Variants in KCNV1 observed in about 807,000 individuals in gnomAD.
KCNV1 encodes potassium voltage-gated channel subfamily V member 1.
Under a neutral mutation model 36.4 loss-of-function variants are expected in KCNV1, and 2 were observed. The observed-to-expected ratio is 0.05, with a 90% CI of 0.02 to 0.17. KCNV1 has a LOEUF of 0.17. KCNV1 is among the 10% of genes least tolerant of loss of function. KCNV1 has a pLI of 1.00. For missense variants in KCNV1, 321 were observed against 643.6 expected (o/e 0.50, Z 5.42); for synonymous variants, 280 against 261.1 (o/e 1.07, Z -0.70).
In KCNV1 at chr8:109,972,729, G is replaced by T. The variant is rs563450472; in HGVS notation, c.520C>A (p.Gln174Lys). The change falls in exon 3 of 4, where the codon CAG becomes AAG. Residue 174 changes from glutamine (Q) to lysine (K), a missense_variant. Physicochemically the swap from Gln to Lys is moderately conservative, Grantham distance 53. Transcript: ENST00000524391. This position sits in a 1 kb window ranked among gnomAD's most constrained non-coding sequence, Gnocchi z 5.2. ...TGTTCACTCTCATGTTGACTTTCCT[G>T]GTCTTCTGTGTCCTTCTTGAAGTCT... ...TLDFKKDTEDQESQHESEQDF... is the reference protein window; with the variant it reads ...TLDFKKDTEDKESQHESEQDF... The T allele has an allele frequency of 3.8e-5, 61 of 1,613,924 alleles. 1 individual carries two copies. In the South Asian group the frequency reaches 6.3e-4, roughly 17 times the overall value.
In KCNV1 at chr8:109,974,512, G is replaced by T. The variant is rs1441507579; in HGVS notation, c.-124C>A. The T allele has an allele frequency of 2.9e-6, 2 of 690,442 alleles. No individual in the cohort carries two copies. The highest frequency in any genetic ancestry group is 4.8e-6 in the Non-Finnish European group (2 of 420,892). 42.8% of individuals were successfully genotyped at this position (690,442 alleles called of 1,614,324 possible). A position where few individuals can be genotyped will look rare whatever the true frequency, so the allele number is the denominator to read the frequency against. ...CGGGATTCCCCGGGCTCCCGAAGGGGTTACCTCTCCTTGGCGCACCCTCTC... is the reference window on the plus strand; with the variant it reads ...CGGGATTCCCCGGGCTCCCGAAGGGTTTACCTCTCCTTGGCGCACCCTCTC... On this transcript the variant is annotated 5_prime_UTR_variant, in exon 2 of 4. Coordinates refer to ENST00000524391, the MANE Select transcript of KCNV1 (RefSeq NM_014379.4). This position sits in a 1 kb window ranked among gnomAD's most constrained non-coding sequence, Gnocchi z 6.2.
At position 109,974,296 on chromosome 8, in the gene KCNV1, T is replaced by A. The variant is rs1376088948; in HGVS notation, c.93A>T (p.Glu31Asp). 1 of 1,546,238 alleles carries A rather than the reference T, an allele frequency of 6.5e-7. No individual in the cohort carries two copies. Among genetic ancestry groups the A allele is most frequent in the Non-Finnish European group, 8.7e-7 (1 of 1,149,298 alleles). Residue 31 changes from glutamate to aspartate, a missense_variant, in exon 2 of 4, where the codon GAA becomes GAT. Around this residue, in one of 5 missense-constraint regions of KCNV1, gnomAD observed 39 missense variants for 50.8 expected, o/e 0.77. Transcript: ENST00000524391. This position sits in a 1 kb window ranked among gnomAD's most constrained non-coding sequence, Gnocchi z 6.2. ...LDSSVFCSEG[E>D]GEPLALGDCF... ...AGTCCCCGAGCGCCAAGGGCTCCCC[T>A]TCACCCTCGCTGCAGAAGACACTAG...
rs1001391667 is a variant in KCNV1 at position 109,975,743 on chromosome 8, G to C, written c.-929C>G. 1.3e-5 allele frequency: 2 copies of C among 152,914 alleles called. No homozygotes were observed. The highest frequency in any genetic ancestry group is 2.9e-5 in the Non-Finnish European group (2 of 68,516). 9.5% of individuals were successfully genotyped at this position (152,914 alleles called of 1,614,324 possible). On this transcript the variant is annotated 5_prime_UTR_variant, in exon 1 of 4. Coordinates refer to ENST00000524391, the MANE Select transcript of KCNV1 (RefSeq NM_014379.4). ...GGTCCAGGAGGGAAACTGTGTTCCA[G>C]CTGAGCTCTACCCAGCGCCTGCTGC... is the stretch of plus-strand genomic sequence containing the variant.
intron 1 of KCNV1, 69 bp from the exon 2 acceptor site, chr8:109,975,261 G>A (rs1286087681): frequency 1.3e-5 from 2 of 152,330 alleles, no homozygotes; most frequent in East Asian, 3.9e-4. Context: ...TAAGAACTAG[G>A]AGTGTCACTG....
At position 109,972,324 on chromosome 8, in the gene KCNV1, G is replaced by A. The variant is rs747782041; in HGVS notation, c.925C>T (p.Arg309Cys). 4.3e-6 allele frequency: 7 copies of A among 1,613,926 alleles called. No homozygotes were observed. Among genetic ancestry groups the A allele is most frequent in the Admixed American group, 3.3e-5 (2 of 60,002 alleles). ...AGCAGCCTCAACACCTGGACAATGC[G>A]CCCCACGTTCTCCAGCTCCTGCGTG... is the stretch of plus-strand genomic sequence containing the variant. ...QTTQELENVGRIVQVLRLLRA... is the reference protein window; with the variant it reads ...QTTQELENVGCIVQVLRLLRA... The change falls in exon 3 of 4, where the codon CGC (arginine) becomes TGC (cysteine). Residue 309 changes from arginine (R) to cysteine (C), a missense_variant. Coordinates refer to ENST00000524391, the MANE Select transcript of KCNV1 (RefSeq NM_014379.4). This position sits in a 1 kb window ranked among gnomAD's most constrained non-coding sequence, Gnocchi z 5.2.
At chr8:109,970,582 C>G (rs560240649) in intron 3 of KCNV1, among the ~76,000 whole-genome samples, 1 of 152,100 alleles carries the variant, frequency 6.6e-6, no homozygotes, top group Non-Finnish European at 1.5e-5. Context: ...TATAACATCT[C>G]TCAATTTGAA....
chr8:109,968,521 A>T lies in KCNV1; in HGVS notation c.1070T>A (p.Ile357Asn). Residue 357 changes from isoleucine (I) to asparagine (N), a missense_variant, in exon 4 of 4, where the codon ATC (isoleucine) becomes AAC (asparagine). Coordinates refer to ENST00000524391, the MANE Select transcript of KCNV1 (RefSeq NM_014379.4). The surrounding 1 kb of genome is among the most constrained non-coding windows in gnomAD (Gnocchi z 5.3). ...GTATTCTACAGTTGAAAATATAGAG[A>T]TTCCCACGGATAGAAATAGGAGCAG... ...GLLLLFLSVGISIFSTVEYFA... is the reference protein window; with the variant it reads ...GLLLLFLSVGNSIFSTVEYFA... 6.2e-7 allele frequency: 1 copy of T among 1,611,124 alleles called. No individual in the cohort carries two copies. Among genetic ancestry groups the T allele is most frequent in the Non-Finnish European group, 8.5e-7 (1 of 1,177,532 alleles).
At position 109,972,198 on chromosome 8, in the gene KCNV1, T is replaced by C; in HGVS notation, c.991+60A>G. The C allele has an allele frequency of 6.7e-7, 1 of 1,494,890 alleles. No individual in the cohort carries two copies. Among genetic ancestry groups the C allele is most frequent in the Non-Finnish European group, 9.0e-7 (1 of 1,111,552 alleles). 92.6% of individuals were successfully genotyped at this position (1,494,890 alleles called of 1,614,324 possible). On this transcript the variant is annotated intron_variant, in intron 3 of 3. Transcript: ENST00000524391. The surrounding 1 kb of genome is among the most constrained non-coding windows in gnomAD (Gnocchi z 5.2). ...CAGCGTTACTTTCCTTGTACTGTGG[T>C]CAAAAAACGAATGCTTACATGCAAT...
intron 2 of KCNV1, among the ~76,000 whole-genome samples, chr8:109,973,410 G>T (rs1239975023): frequency 2.0e-5 from 3 of 152,158 alleles, no homozygotes; most frequent in Admixed American, 6.5e-5. Flanking sequence ...ACTTTTTTGT[G>T]TGTGTGTAAA....
Position 109,968,006 on chromosome 8 carries a change from C to G in KCNV1, c.*82G>C, listed in dbSNP as rs757536789. 64 of 1,357,312 alleles carry G rather than the reference C, an allele frequency of 4.7e-5. No homozygotes were observed. The highest frequency in any genetic ancestry group is 2.3e-4 in the African/African-American group (16 of 68,484). The allele number at this position is 1,357,312 out of a possible 1,614,324, so 84.1% of individuals were successfully genotyped here. On this transcript the variant is annotated 3_prime_UTR_variant, in exon 4 of 4. Transcript: ENST00000524391. The surrounding 1 kb of genome is among the most constrained non-coding windows in gnomAD (Gnocchi z 5.3). ...TGAGCAGTACTCTGAAGAGACTCAT[C>G]ATCAGAATACAGAAATCCACATCAC... is the stretch of plus-strand genomic sequence containing the variant.
intron 3 of KCNV1, among the ~76,000 whole-genome samples, chr8:109,969,343 A>T (rs939156418): frequency 3.5e-4 from 54 of 152,178 alleles, no homozygotes; most frequent in African/African-American, 1.3e-3. Context: ...AGTACATAAA[A>T]TTTCTGCTTT....
Position 109,966,169 on chromosome 8 carries a change from G to A in KCNV1, c.*1919C>T, listed in dbSNP as rs1381624015. 2 of 152,108 alleles carry A rather than the reference G, an allele frequency of 1.3e-5. No homozygotes were observed. The highest frequency in any genetic ancestry group is 2.9e-5 in the Non-Finnish European group (2 of 68,020). 9.4% of individuals were successfully genotyped at this position (152,108 alleles called of 1,614,324 possible). A position where few individuals can be genotyped will look rare whatever the true frequency, so the allele number is the denominator to read the frequency against. ...ATAGGGATATTTTGAGGATAAAATG[G>A]CATAATACATGATGAATACAGAGCA... is the stretch of plus-strand genomic sequence containing the variant. On this transcript the variant is annotated 3_prime_UTR_variant, in exon 4 of 4. Transcript: ENST00000524391.
intron 3 of KCNV1, among the ~76,000 whole-genome samples, chr8:109,969,220 A>G (rs1819980780): frequency 6.6e-6 from 1 of 152,210 alleles, no homozygotes; most frequent in Non-Finnish European, 1.5e-5. Flanking sequence ...AGAACATCAC[A>G]TGTATATTCA....
rs1355786449 is a variant in KCNV1 at position 109,967,719 on chromosome 8, T to C, written c.*369A>G. On this transcript the variant is annotated 3_prime_UTR_variant, in exon 4 of 4. Coordinates refer to ENST00000524391, the MANE Select transcript of KCNV1 (RefSeq NM_014379.4). ...CTTATCTTTCTCTGGGCTATGCAGTTTACCTTCCATTTTTAAAAAATTAGT... is the reference window on the plus strand; with the variant it reads ...CTTATCTTTCTCTGGGCTATGCAGTCTACCTTCCATTTTTAAAAAATTAGT... 2 of 182,456 alleles carry C rather than the reference T, an allele frequency of 1.1e-5. No individual in the cohort carries two copies. Among genetic ancestry groups the C allele is most frequent in the Admixed American group, 5.4e-5 (1 of 18,508 alleles). 11.3% of individuals were successfully genotyped at this position (182,456 alleles called of 1,614,324 possible). A position where few individuals can be genotyped will look rare whatever the true frequency, so the allele number is the denominator to read the frequency against.
chr8:109,973,702 A>G (rs1820040726), intron 2 of KCNV1, among the ~76,000 whole-genome samples: 1 of 152,134 alleles, frequency 6.6e-6, no homozygotes, highest in Non-Finnish European at 1.5e-5. Context: ...AAATTAGCAT[A>G]CTCAAAAAAG....
Position 109,974,674 on chromosome 8 carries a change from C to A in KCNV1, c.-286G>T. On this transcript the variant is annotated 5_prime_UTR_variant, in exon 2 of 4. Coordinates refer to ENST00000524391, the MANE Select transcript of KCNV1 (RefSeq NM_014379.4). The surrounding 1 kb of genome is among the most constrained non-coding windows in gnomAD (Gnocchi z 6.2). Reference sequence around the variant, plus strand: ...GAGAGGATCAGGTGAGGTCCAAGCCCGACACAGTCCCTGTGCACACTGCCG... The same window carrying A: ...GAGAGGATCAGGTGAGGTCCAAGCCAGACACAGTCCCTGTGCACACTGCCG... 1 of 495,018 alleles carries A rather than the reference C, an allele frequency of 2.0e-6. No homozygotes were observed. The highest frequency in any genetic ancestry group is 3.6e-6 in the Non-Finnish European group (1 of 278,620). The allele number at this position is 495,018 out of a possible 1,614,324, so 30.7% of individuals were successfully genotyped here.
chr8:109,974,271 A>G lies in KCNV1; in HGVS notation c.118T>C (p.Cys40Arg), dbSNP rs1820050429. Reference sequence around the variant, plus strand: ...CTGCCGCCCACGTTGACCGTGAAGCAGTCCCCGAGCGCCAAGGGCTCCCCT... The same window carrying G: ...CTGCCGCCCACGTTGACCGTGAAGCGGTCCCCGAGCGCCAAGGGCTCCCCT... ...GEGEPLALGD[C>R]FTVNVGGSRF... is the part of the protein sequence containing the mutation. The change falls in exon 2 of 4, where the codon TGC becomes CGC. Residue 40 changes from cysteine (C) to arginine (R), a missense_variant. Physicochemically the swap from Cys to Arg is radical, Grantham distance 180 (BLOSUM62 -3). This residue lies in a region of KCNV1 where 39 missense variants were observed against 50.8 expected (regional missense o/e 0.77). Coordinates refer to ENST00000524391, the MANE Select transcript of KCNV1 (RefSeq NM_014379.4). The surrounding 1 kb of genome is among the most constrained non-coding windows in gnomAD (Gnocchi z 6.2). The G allele has an allele frequency of 6.4e-7, 1 of 1,551,816 alleles. No homozygotes were observed. The highest frequency in any genetic ancestry group is 8.7e-7 in the Non-Finnish European group (1 of 1,150,420).
At position 109,965,809 on chromosome 8, in the gene KCNV1, A is replaced by C. The variant is rs1819937641; in HGVS notation, c.*2279T>G. Reference sequence around the variant, plus strand: ...AGTTGGCTTGCCTGCCTAAAAAATAAATTTCTATGCAGAGCTTGTGTAGGA... The same window carrying C: ...AGTTGGCTTGCCTGCCTAAAAAATACATTTCTATGCAGAGCTTGTGTAGGA... On this transcript the variant is annotated 3_prime_UTR_variant, in exon 4 of 4. Coordinates refer to ENST00000524391, the MANE Select transcript of KCNV1 (RefSeq NM_014379.4). 1 of 152,238 alleles carries C rather than the reference A, an allele frequency of 6.6e-6. No homozygotes were observed. Among genetic ancestry groups the C allele is most frequent in the Admixed American group, 6.5e-5 (1 of 15,284 alleles). The allele number at this position is 152,238 out of a possible 1,614,324, so 9.4% of individuals were successfully genotyped here. A position where few individuals can be genotyped will look rare whatever the true frequency, so the allele number is the denominator to read the frequency against.
rs773108347 is a variant in KCNV1 at position 109,967,629 on chromosome 8, G to A, written c.*459C>T. 32 of 160,176 alleles carry A rather than the reference G, an allele frequency of 2.0e-4. No homozygotes were observed. The highest frequency in any genetic ancestry group is 3.2e-4 in the Non-Finnish European group (23 of 72,374). The allele number at this position is 160,176 out of a possible 1,614,324, so 9.9% of individuals were successfully genotyped here. A position where few individuals can be genotyped will look rare whatever the true frequency, so the allele number is the denominator to read the frequency against. ...ATAGCTTTAACTGATAGAGAACGGA[G>A]TAATTTATGTACTTGGATAATATCT... On this transcript the variant is annotated 3_prime_UTR_variant, in exon 4 of 4. Transcript: ENST00000524391.
Sources: gnomAD v4.1 joint callset for allele counts (sites outside exome capture counted in the v4.1 genomes callset) on GRCh38, gnomAD v4.1.1 for gene constraint, gnomAD v4.1.1 regional missense constraint, Gnocchi (gnomAD v3.1) non-coding constraint, MANE v1.5 for transcripts, NCBI Gene and HGNC (gene_info 2026-07-23, HGNC 2026-07-21) for gene names.